RAD17: variants seen among roughly 807,000 people sequenced by gnomAD.
RAD17 encodes the protein cell cycle checkpoint protein RAD17.
Under a neutral mutation model 81.5 loss-of-function variants are expected in RAD17, and 31 were observed. The observed-to-expected ratio is 0.38, with a 90% CI of 0.29 to 0.51. The LOEUF (loss-of-function observed/expected upper bound fraction) is 0.51, where lower values mean the gene tolerates loss of function less well. RAD17 is among the 20% of genes least tolerant of loss of function. RAD17 has a pLI of 0.88. For synonymous variants in RAD17, 261 were observed against 266.2 expected (o/e 0.98, Z 0.19); for missense variants, 681 against 781.2 (o/e 0.87, Z 1.53).
chr5:69,382,958 A>G (rs970498655), intron 7 of RAD17, among the ~76,000 whole-genome samples: 1 of 151,890 alleles, frequency 6.6e-6, no homozygotes, highest in African/African-American at 2.4e-5. Context: ...TAGTTTTTGT[A>G]TTTTTAGTAG....
intron 17 of RAD17, 81 bp downstream of exon 17, chr5:69,400,250 C>T (rs1052425619): frequency 1.1e-5 from 10 of 934,932 alleles, no homozygotes; most frequent in Admixed American, 8.9e-5. Context: ...TAGGGGGAGT[C>T]TCTACTGTCC....
At chr5:69,385,120 C>T (rs915384061) in intron 8 of RAD17, among the ~76,000 whole-genome samples, 187 bp downstream of exon 8, 35 of 151,680 alleles carry the variant, frequency 2.3e-4, no homozygotes, top group African/African-American at 7.0e-4. Context: ...CCACCACGCC[C>T]GGCTAATTTT....
At position 69,411,439 on chromosome 5, in the gene RAD17, T is replaced by TA. The variant is rs1232362344; in HGVS notation, c.1751+890dup. Among the ~76,000 whole-genome samples, 4 of 152,258 alleles carry TA rather than the reference T, an allele frequency of 2.6e-5. No individual in the cohort carries two copies. The East Asian group carries it at 7.7e-4, about 29-fold the overall frequency. On this transcript the variant is annotated intron_variant, in intron 18 of 18. Transcript: ENST00000354868. ...AAAAAAGATTTAAAAAAATCTTGCT[T>TA]ACTGAATGCATGGACAAAAGTAAGT...
At chr5:69,374,806 C>T (rs1763237341) in intron 6 of RAD17, 95 bp downstream of exon 6, 1 of 1,082,988 alleles carries the variant, frequency 9.2e-7, no homozygotes, top group Non-Finnish European at 1.3e-6. Flanking sequence ...TGATTTTGTT[C>T]AAAATAAGTC....
At position 69,414,130 on chromosome 5, in the gene RAD17, T is replaced by G. The variant is rs1248236375; in HGVS notation, c.1851T>G (p.Ser617=). 2 of 1,614,110 alleles carry G rather than the reference T, an allele frequency of 1.2e-6. No individual in the cohort carries two copies. Among genetic ancestry groups the G allele is most frequent in the Non-Finnish European group, 1.7e-6 (2 of 1,180,052 alleles). ...QLNGGHSAEE[S]LGEPTQATVP... The stretch of plus-strand genomic sequence containing the variant: ...ATGGAGGACATTCTGCAGAGGAATC[T>G]CTGGGTGAACCCACTCAAGCCACTG... Residue 617 remains serine, a synonymous_variant, in exon 19 of 19, where the codon TCT becomes TCG. Coordinates refer to ENST00000354868, the MANE Select transcript of RAD17 (RefSeq NM_133338.3).
chr5:69,386,391 C>T lies in RAD17; in HGVS notation c.825-5C>T, dbSNP rs1030353409. 5.7e-6 allele frequency: 9 copies of T among 1,592,918 alleles called. No individual in the cohort carries two copies. The South Asian group carries it at 9.4e-5, about 17-fold the overall frequency. ...TTAACTGCTATCTTTCTTTATAAAA[C>T]TTAGTTTCAACCCTGTGGCACCAAC... On this transcript the variant is annotated splice_polypyrimidine_tract_variant and splice_region_variant and intron_variant, in intron 10 of 18. Transcript: ENST00000354868.
chr5:69,372,261 T>C (rs1247108426), intron 4 of RAD17, 44 bp downstream of exon 4: 4 of 1,425,654 alleles, frequency 2.8e-6, no homozygotes, highest in Non-Finnish European at 4.0e-6. Flanking sequence ...CCTTTTTTAA[T>C]CCACTGCCGA....
At chr5:69,406,378 G>A (rs1321372320) in intron 17 of RAD17, among the ~76,000 whole-genome samples, 1 of 152,172 alleles carries the variant, frequency 6.6e-6, no homozygotes, top group African/African-American at 2.4e-5. Flanking sequence ...ATTACCATGG[G>A]CTTGGGTGGT....
At chr5:69,409,377 T>A (rs1168405) in intron 17 of RAD17, among the ~76,000 whole-genome samples, 75,582 of 151,884 alleles carry the variant, frequency 0.5, 18,834 homozygotes, top group South Asian at 0.54. Context: ...AGGAGTCCTT[T>A]GTTCTTGGCT....
rs1264911449 is a variant in RAD17 at position 69,373,890 on chromosome 5, A to G, written c.70A>G (p.Ile24Val). The G allele has an allele frequency of 1.9e-6, 3 of 1,609,764 alleles. No individual in the cohort carries two copies. Among genetic ancestry groups the G allele is most frequent in the South Asian group, 1.1e-5 (1 of 90,964 alleles). The change falls in exon 5 of 19, where the codon ATT becomes GTT. Residue 24 changes from isoleucine to valine, a missense_variant. Transcript: ENST00000354868. ...TCTAGAGTGTAGTGGCGTCTCTACTATTACTGCCACATCATTAGGTGTGAA... is the reference window on the plus strand; with the variant it reads ...TCTAGAGTGTAGTGGCGTCTCTACTGTTACTGCCACATCATTAGGTGTGAA... ...DFLECSGVST[I>V]TATSLGVNNS...
intron 6 of RAD17, among the ~76,000 whole-genome samples, chr5:69,377,415 G>GTATA (rs145604902): frequency 2.1e-5 from 2 of 93,558 alleles, no homozygotes; most frequent in South Asian, 3.4e-4. Flanking sequence ...ATAAACTTAG[G>GTATA]TATATGTGTG....
At chr5:69,413,418 G>T (rs1561282163) in intron 18 of RAD17, among the ~76,000 whole-genome samples, 1 of 152,098 alleles carries the variant, frequency 6.6e-6, no homozygotes, top group Non-Finnish European at 1.5e-5. Flanking sequence ...CTGCCTGGGC[G>T]ATAGAGAAAG....
intron 6 of RAD17, among the ~76,000 whole-genome samples, chr5:69,375,745 A>G (rs577514521): frequency 6.6e-6 from 1 of 152,110 alleles, no homozygotes; most frequent in South Asian, 2.1e-4. Context: ...ACGTTTCTGC[A>G]TTTGTCCCCA....
intron 6 of RAD17, among the ~76,000 whole-genome samples, chr5:69,377,704 T>A (rs1324371959): frequency 3.2e-5 from 3 of 92,374 alleles, no homozygotes; most frequent in Admixed American, 1.3e-4. Flanking sequence ...TACATATATA[T>A]ATGTATTGGG....
chr5:69,390,002 G>A (rs1429333652), intron 12 of RAD17, among the ~76,000 whole-genome samples: 1 of 152,122 alleles, frequency 6.6e-6, no homozygotes, highest in African/African-American at 2.4e-5. Context: ...ATGTTAAAAA[G>A]TATAAATTTA....
chr5:69,385,992 A>T, intron 8 of RAD17, 51 bp from the exon 9 acceptor site: 1 of 1,411,854 alleles, frequency 7.1e-7, no homozygotes, highest in Non-Finnish European at 9.3e-7. Context: ...TTGAAAAATA[A>T]ATTTGCAATG....
rs780464937 is a variant in RAD17 at position 69,386,480 on chromosome 5, A to G, written c.894+15A>G. ...AAGCTAACAAGGTAAGTCTCTGATT[A>G]ATTAAACCTTACTCGATAACTATAG... On this transcript the variant is annotated intron_variant, in intron 11 of 18. Transcript: ENST00000354868. 1.3e-6 allele frequency: 2 copies of G among 1,559,090 alleles called. No homozygotes were observed. The highest frequency in any genetic ancestry group is 4.5e-5 in the East Asian group (2 of 43,976).
Position 69,374,693 on chromosome 5 carries a change from A to G in RAD17, c.333A>G (p.Leu111=). The change falls in exon 6 of 19, where the codon TTA becomes TTG. Residue 111 remains leucine, a synonymous_variant. Transcript: ENST00000354868. ...AAACCTGGTTAAAAGCTCAAGTTTT[A>G]GAAAGGCAACCAAAACAGGTAACTA... ...EVETWLKAQV[L]ERQPKQGGSI... is the part of the protein sequence containing the mutation. 1 of 1,611,632 alleles carries G rather than the reference A, an allele frequency of 6.2e-7. No homozygotes were observed. Among genetic ancestry groups the G allele is most frequent in the Non-Finnish European group, 8.5e-7 (1 of 1,178,908 alleles).
chr5:69,401,783 C>T lies in RAD17; in HGVS notation c.1693+1614C>T, dbSNP rs1310999196. Among the ~76,000 whole-genome samples the T allele has an allele frequency of 4.6e-5, 7 of 151,520 alleles. No individual in the cohort carries two copies. The East Asian group carries it at 7.9e-4, about 17-fold the overall frequency. ...CGGGCGGATCACAAGGTCAGGAGAT[C>T]GAGACCATCCTGGCTAACATGGTGA... On this transcript the variant is annotated intron_variant, in intron 17 of 18. Coordinates refer to ENST00000354868, the MANE Select transcript of RAD17 (RefSeq NM_133338.3).
Sources: gnomAD v4.1 joint callset for allele counts (sites outside exome capture counted in the v4.1 genomes callset) on GRCh38, gnomAD v4.1.1 for gene constraint, MANE v1.5 for transcripts, NCBI Gene and HGNC (gene_info 2026-07-23, HGNC 2026-07-21) for gene names.